The following ELP4 variants were observed in gnomAD, a reference collection of about 807,000 sequenced individuals.
The protein encoded by ELP4 is elongator complex protein 4.
A neutral mutation model predicts 48.9 loss-of-function variants in ELP4; 51 were observed. The ratio of observed to expected loss-of-function variants is 1.04; its 90% CI spans 0.83 to 1.32. ELP4 has a LOEUF of 1.32. Ranked by LOEUF, ELP4 falls within the 40% of genes most tolerant of loss-of-function variation. ELP4 has a pLI of 0.00. For synonymous variants in ELP4, 210 were observed against 189.2 expected (o/e 1.11, Z -0.90); for missense variants, 519 against 514.6 (o/e 1.01, Z -0.08).
At chr11:31,695,311 AT>A (rs1167931608) in intron 9 of ELP4, among the ~76,000 whole-genome samples, 22 of 152,090 alleles carry the variant, frequency 1.4e-4, no homozygotes, top group African/African-American at 5.1e-4. Context: ...ACTAGCTCTT[AT>A]TATTTTGAGA....
Position 31,617,049 on chromosome 11 carries a change from A to G in ELP4, c.654-10061A>G, listed in dbSNP as rs976426529. ...TTTCTCAAAACCGTATGATCCAACA[A>G]TCCCACTTCTAGGTATATGTCCAAA... On this transcript the variant is annotated intron_variant, in intron 5 of 9. Transcript: ENST00000640961. Among the ~76,000 whole-genome samples the G allele has an allele frequency of 2.6e-5, 4 of 152,186 alleles. No homozygotes were observed. In the East Asian group the frequency reaches 7.7e-4, roughly 29 times the overall value.
chr11:31,657,913 C>T (rs1363402694), intron 9 of ELP4, among the ~76,000 whole-genome samples: 2 of 151,982 alleles, frequency 1.3e-5, no homozygotes, highest in African/African-American at 2.4e-5. Flanking sequence ...ACTGCAAGTG[C>T]TTAAAGGCAT....
chr11:31,552,200 C>G (rs1410028315), intron 3 of ELP4, among the ~76,000 whole-genome samples: 1 of 152,108 alleles, frequency 6.6e-6, no homozygotes, highest in Non-Finnish European at 1.5e-5. Flanking sequence ...TTCTTCTTTG[C>G]TAGTTCTTAC....
intron 2 of ELP4, 132 bp downstream of exon 2, chr11:31,520,223 T>A: frequency 1.4e-6 from 1 of 697,390 alleles, no homozygotes; most frequent in South Asian, 2.6e-5. Flanking sequence ...TAGAGAGGAA[T>A]TGACTTAAGT....
rs1947046998 is a variant in ELP4, at chr11:31,725,034, A to G, written c.1144-58359A>G. ...CTCTTTGCAAGACCTGGTTCCTCCA[A>G]TTCGTTGGGCCAGGGGAAAAAGAGT... On this transcript the variant is annotated intron_variant, in intron 9 of 9. Transcript: ENST00000640961. 3.3e-5 allele frequency among the ~76,000 whole-genome samples: 5 copies of G among 152,308 alleles called. No individual in the cohort carries two copies. The South Asian group carries it at 8.3e-4, about 25-fold the overall frequency.
At chr11:31,713,434 A>G (rs1337382924) in intron 9 of ELP4, among the ~76,000 whole-genome samples, 1 of 152,170 alleles carries the variant, frequency 6.6e-6, no homozygotes, top group Non-Finnish European at 1.5e-5. Context: ...TGAAGCAAAT[A>G]TTTCAAAGTA....
rs1041535919 is a variant in ELP4, at chr11:31,784,317, A to T, written c.*793A>T. ...GTCTGAGACAAAGTGAAAAAATGAA[A>T]CTAACTCAGATTTCCATTGCATCAC... On this transcript the variant is annotated 3_prime_UTR_variant, in exon 10 of 10. Transcript: ENST00000640961. 2 of 152,166 alleles carry T rather than the reference A, an allele frequency of 1.3e-5. No homozygotes were observed. The highest frequency in any genetic ancestry group is 4.8e-5 in the African/African-American group (2 of 41,450). 9.4% of individuals were successfully genotyped at this position (152,166 alleles called of 1,614,324 possible). A position where few individuals can be genotyped will look rare whatever the true frequency, so the allele number is the denominator to read the frequency against.
intron 3 of ELP4, chr11:31,573,625 GTAAT>G (rs1364482005): frequency 2.0e-5 from 3 of 151,834 alleles, no homozygotes; most frequent in Non-Finnish European, 2.9e-5. Flanking sequence ...TTCTTATAAG[GTAAT>G]TAATTAATAT....
At chr11:31,736,597 CAG>C (rs1164364222) in intron 9 of ELP4, among the ~76,000 whole-genome samples, 1 of 152,162 alleles carries the variant, frequency 6.6e-6, no homozygotes, top group Non-Finnish European at 1.5e-5. Context: ...GGCTAATATA[CAG>C]AGTCTACAAT....
At position 31,735,445 on chromosome 11, in the gene ELP4, A is replaced by G. The variant is rs1450340892; in HGVS notation, c.1144-47948A>G. 2.0e-5 allele frequency among the ~76,000 whole-genome samples: 3 copies of G among 152,192 alleles called. No homozygotes were observed. The East Asian group carries it at 5.8e-4, about 29-fold the overall frequency. ...AGGGATGCCCTCTCTCACCACTCCTATTCAACATAATGTTGGAAGTTCTGG... is the reference window on the plus strand; with the variant it reads ...AGGGATGCCCTCTCTCACCACTCCTGTTCAACATAATGTTGGAAGTTCTGG... On this transcript the variant is annotated intron_variant, in intron 9 of 9. Transcript: ENST00000640961.
chr11:31,745,971 A>G (rs1947579621), intron 9 of ELP4, among the ~76,000 whole-genome samples: 1 of 152,222 alleles, frequency 6.6e-6, no homozygotes. Context: ...AGAATGGGAG[A>G]AAATTTTTGC....
At chr11:31,691,817 C>A (rs1946287626) in intron 9 of ELP4, among the ~76,000 whole-genome samples, 1 of 151,990 alleles carries the variant, frequency 6.6e-6, no homozygotes, top group African/African-American at 2.4e-5. Flanking sequence ...TTAGATATCC[C>A]CAGATGACAC....
At chr11:31,512,664 C>T (rs1461954521) in intron 1 of ELP4, 1 of 152,084 alleles carries the variant, frequency 6.6e-6, no homozygotes, top group African/African-American at 2.4e-5. Flanking sequence ...GTAAATAACA[C>T]TTATATTTTG....
At chr11:31,755,880 C>G (rs767303832) in intron 9 of ELP4, among the ~76,000 whole-genome samples, 1 of 152,128 alleles carries the variant, frequency 6.6e-6, no homozygotes, top group African/African-American at 2.4e-5. Context: ...TGCTTCACAT[C>G]CAATTTCTCA....
At chr11:31,548,082 A>C (rs1489816371) in intron 3 of ELP4, among the ~76,000 whole-genome samples, 10 of 152,302 alleles carry the variant, frequency 6.6e-5, no homozygotes, top group African/African-American at 2.4e-4. Flanking sequence ...GGCACAAGAC[A>C]GGGATGCCCT....
intron 5 of ELP4, among the ~76,000 whole-genome samples, chr11:31,609,379 C>T (rs1326980371): frequency 1.3e-5 from 2 of 152,080 alleles, no homozygotes; most frequent in African/African-American, 4.8e-5. Context: ...TTTAAGTTTG[C>T]ACCATATGTT....
At chr11:31,670,193 A>T (rs548506790) in intron 9 of ELP4, among the ~76,000 whole-genome samples, 1 of 152,280 alleles carries the variant, frequency 6.6e-6, no homozygotes, top group African/African-American at 2.4e-5. Context: ...CTTTATAGAC[A>T]TATGGTAGTG....
intron 3 of ELP4, among the ~76,000 whole-genome samples, chr11:31,565,355 T>C (rs200265853): frequency 2.5e-4 from 37 of 148,938 alleles, no homozygotes; most frequent in South Asian, 4.3e-4. Context: ...TTTCTTTTGC[T>C]GTGCAGAAGC....
intron 6 of ELP4, 46 bp from the exon 7 acceptor site, chr11:31,632,171 G>A (rs770243840): frequency 1.3e-6 from 2 of 1,500,238 alleles, no homozygotes; most frequent in East Asian, 2.3e-5. Context: ...GTATTCTATT[G>A]ATTAACAAAA....
Sources: allele counts gnomAD v4.1 joint callset (sites outside exome capture counted in the v4.1 genomes callset), GRCh38; gene constraint gnomAD v4.1.1; transcripts MANE v1.5; gene names NCBI Gene and HGNC (gene_info 2026-07-23, HGNC 2026-07-21).